Variants in ARHGEF9 observed in about 807,000 individuals in gnomAD.
The protein encoded by ARHGEF9 is Cdc42 guanine nucleotide exchange factor 9.
A neutral mutation model predicts 41.3 loss-of-function variants in ARHGEF9; 2 were observed. That is an observed-to-expected ratio of 0.05 (90% CI 0.02 to 0.15). ARHGEF9 has a LOEUF of 0.15. Ranked by LOEUF, ARHGEF9 falls within the 10% of genes least tolerant of loss-of-function variation. The pLI, the probability that ARHGEF9 is intolerant of heterozygous loss-of-function variation, is 1.00. For synonymous variants in ARHGEF9, 160 were observed against 154.4 expected (o/e 1.04, Z -0.27); for missense variants, 225 against 424.7 (o/e 0.53, Z 4.13).
intron 7 of ARHGEF9, among the ~76,000 whole-genome samples, chrX:63,661,758 TTCTC>T (rs199903174): frequency 2.7e-3 from 285 of 106,014 alleles, no homozygotes; most frequent in African/African-American, 7.9e-3. Context: ...TGCTCTCCTT[TTCTC>T]TCTCTCTCTC....
chrX:63,783,144 T>G (rs189538314), intron 1 of ARHGEF9, among the ~76,000 whole-genome samples: 33 of 112,267 alleles, frequency 2.9e-4, no homozygotes, highest in African/African-American at 8.4e-4. Flanking sequence ...CTTCATTAAT[T>G]TAACCTGTTG....
intron 1 of ARHGEF9, among the ~76,000 whole-genome samples, chrX:63,743,146 T>A (rs1602660893): frequency 9.0e-6 from 1 of 111,574 alleles, no homozygotes; most frequent in South Asian, 3.8e-4. Context: ...GAGGTTGCAG[T>A]GAGCTGAGAT....
intron 1 of ARHGEF9, among the ~76,000 whole-genome samples, chrX:63,747,013 C>G (rs1468096073): frequency 3.6e-5 from 4 of 112,002 alleles, no homozygotes; most frequent in Non-Finnish European, 7.5e-5. Context: ...ATTAAGAAGG[C>G]AAAACTGCTA....
chrX:63,671,937 T>A (rs370933136), intron 6 of ARHGEF9, among the ~76,000 whole-genome samples: 1 of 112,265 alleles, frequency 8.9e-6, no homozygotes, highest in East Asian at 2.8e-4. Context: ...CACAGTGACC[T>A]CAGTCTGACA....
chrX:63,702,682 C>A (rs1469146404), intron 3 of ARHGEF9, among the ~76,000 whole-genome samples: 1 of 111,780 alleles, frequency 8.9e-6, no homozygotes, highest in African/African-American at 3.3e-5. Context: ...TCTCCCATAA[C>A]CTACAGAAAG....
intron 1 of ARHGEF9, among the ~76,000 whole-genome samples, chrX:63,778,147 A>G (rs1164272954): frequency 8.9e-6 from 1 of 112,200 alleles, no homozygotes; most frequent in Non-Finnish European, 1.9e-5. Context: ...ATTTCCATAC[A>G]TCCTCTGAAA....
chrX:63,719,459 GACA>G (rs2053514951), intron 2 of ARHGEF9, among the ~76,000 whole-genome samples: 1 of 112,113 alleles, frequency 8.9e-6, no homozygotes, highest in African/African-American at 3.2e-5. Context: ...TTCAGAAGGG[GACA>G]ACATCACTAA....
chrX:63,765,457 C>T (rs1398449528), intron 1 of ARHGEF9, among the ~76,000 whole-genome samples: 7 of 110,864 alleles, frequency 6.3e-5, no homozygotes, highest in Non-Finnish European at 1.9e-5. Context: ...GCAACCTTAG[C>T]AACCAGCCCT....
At chrX:63,673,322 C>T (rs2050072413) in intron 6 of ARHGEF9, among the ~76,000 whole-genome samples, 4 of 111,418 alleles carry the variant, frequency 3.6e-5, no homozygotes, top group South Asian at 3.8e-4. Flanking sequence ...CCTAGTAGCA[C>T]GTCCAGCCTC....
At chrX:63,643,661 A>T (rs1172843560) in intron 9 of ARHGEF9, among the ~76,000 whole-genome samples, 1 of 110,960 alleles carries the variant, frequency 9.0e-6, no homozygotes, top group Non-Finnish European at 1.9e-5. Context: ...TATTAAATAA[A>T]GATCATGTTG....
intron 4 of ARHGEF9, among the ~76,000 whole-genome samples, chrX:63,683,016 C>A (rs1386787309): frequency 9.1e-6 from 1 of 110,134 alleles, no homozygotes; most frequent in Non-Finnish European, 1.9e-5. Flanking sequence ...AAATAAAATG[C>A]ATCCAAATTG....
intron 7 of ARHGEF9, among the ~76,000 whole-genome samples, chrX:63,660,779 T>C (rs1556340620): frequency 8.9e-6 from 1 of 112,312 alleles, no homozygotes; most frequent in African/African-American, 3.2e-5. Flanking sequence ...TACATCTGCA[T>C]TGTCTCATTT....
At chrX:63,690,678 C>G (rs2051284370) in intron 4 of ARHGEF9, among the ~76,000 whole-genome samples, 1 of 111,043 alleles carries the variant, frequency 9.0e-6, no homozygotes, top group African/African-American at 3.3e-5. Context: ...AAAAACACAT[C>G]AAAAAAAGAA....
chrX:63,675,156 G>A (rs2050181228), intron 5 of ARHGEF9, among the ~76,000 whole-genome samples: 2 of 111,503 alleles, frequency 1.8e-5, no homozygotes, highest in South Asian at 7.6e-4. Flanking sequence ...CACCATACCA[G>A]TCATAAACTT....
intron 4 of ARHGEF9, among the ~76,000 whole-genome samples, chrX:63,683,175 CA>C (rs2050766741): frequency 9.1e-6 from 1 of 109,466 alleles, no homozygotes; most frequent in African/African-American, 3.3e-5. Flanking sequence ...AATCAGTGTA[CA>C]AAAATCAGTT....
chrX:63,717,190 C>T (rs1400783819), intron 2 of ARHGEF9, among the ~76,000 whole-genome samples: 1 of 112,354 alleles, frequency 8.9e-6, no homozygotes, highest in Non-Finnish European at 1.9e-5. Flanking sequence ...TGGGTTCCTA[C>T]ATATAACACA....
intron 8 of ARHGEF9, 78 bp from the exon 9 acceptor site, chrX:63,644,126 G>T: frequency 3.1e-6 from 2 of 645,867 alleles, no homozygotes; most frequent in Non-Finnish European, 4.4e-6. Context: ...AAACTTTTCT[G>T]TAAGAAAGAT....
chrX:63,667,666 G>T lies in ARHGEF9; in HGVS notation c.946-1649C>A, dbSNP rs186630318. 4.0e-4 allele frequency among the ~76,000 whole-genome samples: 44 copies of T among 110,924 alleles called. 1 individual carries two copies. The highest frequency in any genetic ancestry group is 1.3e-3 in the African/African-American group (41 of 30,516). ...CCAGTCTAAAGGATGGGAAGGAAAG[G>T]GGGAACTCAGTAGAATTATTTTCTA... is the stretch of plus-strand genomic sequence containing the variant. On this transcript the variant is annotated intron_variant, in intron 6 of 9. Transcript: ENST00000671741.
At chrX:63,705,591 G>GA (rs1379749101) in intron 3 of ARHGEF9, among the ~76,000 whole-genome samples, 1 of 110,527 alleles carries the variant, frequency 9.0e-6, no homozygotes, top group Non-Finnish European at 1.9e-5. Context: ...AGCTCTTGGG[G>GA]AAAAAAAGTG....
Sources: allele counts gnomAD v4.1 joint callset (sites outside exome capture counted in the v4.1 genomes callset), GRCh38; gene constraint gnomAD v4.1.1; transcripts MANE v1.5; gene names NCBI Gene and HGNC (gene_info 2026-07-23, HGNC 2026-07-21).